ZNF207: variants seen among roughly 807,000 people sequenced by gnomAD.
The protein encoded by ZNF207 is BUB3-interacting and GLEBS motif-containing protein ZNF207.
ZNF207 carries 24 observed loss-of-function variants against 60.2 expected under a neutral mutation model. The ratio of observed to expected loss-of-function variants is 0.40; its 90% CI spans 0.29 to 0.56. The LOEUF (loss-of-function observed/expected upper bound fraction) is 0.56. Ranked by LOEUF, ZNF207 falls within the 20% of genes least tolerant of loss-of-function variation. ZNF207 has a pLI of 0.49. For synonymous variants in ZNF207, 236 were observed against 194.7 expected, an observed-to-expected ratio of 1.21 and a Z score of -1.77; for missense variants, 452 against 636.6, an observed-to-expected ratio of 0.71 and a Z score of 3.12.
At chr17:32,365,277 T>C in intron 7 of ZNF207, 53 bp from the exon 8 acceptor site, 3 of 1,575,652 alleles carry the variant, frequency 1.9e-6, no homozygotes, top group Non-Finnish European at 2.6e-6. Context: ...AGCGTTTTTT[T>C]CCACACTAAA....
chr17:32,366,863 T>C, intron 9 of ZNF207, 106 bp downstream of exon 9: 2 of 1,024,128 alleles, frequency 2.0e-6, no homozygotes, highest in Non-Finnish European at 1.3e-6. Context: ...CTGTGTTTAC[T>C]TTTTTAAAGC....
chr17:32,367,725 T>TA (rs766238409), intron 9 of ZNF207, 47 bp from the exon 10 acceptor site: 1 of 1,603,606 alleles, frequency 6.2e-7, no homozygotes, highest in South Asian at 1.1e-5. Flanking sequence ...TAGATATAGT[T>TA]AATTTAAGGT....
At chr17:32,359,054 T>G (rs1369968280) in intron 3 of ZNF207, among the ~76,000 whole-genome samples, 3 of 151,808 alleles carry the variant, frequency 2.0e-5, no homozygotes, top group Non-Finnish European at 4.4e-5. Flanking sequence ...TTGCCCACTT[T>G]TGCCTCGCAA....
At chr17:32,364,235 G>T (rs1347314954) in intron 7 of ZNF207, among the ~76,000 whole-genome samples, 1 of 151,916 alleles carries the variant, frequency 6.6e-6, no homozygotes, top group South Asian at 2.1e-4. Flanking sequence ...TACGTATTAT[G>T]CTGTGAGGGA....
In ZNF207 at chr17:32,370,656, C is replaced by T. The variant is rs1256089335; in HGVS notation, c.*897C>T. The T allele has an allele frequency of 6.6e-6, 1 of 152,184 alleles. No individual in the cohort carries two copies. The highest frequency in any genetic ancestry group is 1.9e-4 in the East Asian group (1 of 5,194). 9.4% of individuals were successfully genotyped at this position (152,184 alleles called of 1,614,324 possible). On this transcript the variant is annotated 3_prime_UTR_variant, in exon 12 of 12. Transcript: ENST00000394670. ...CAGTACACATCACGTGTCATAGATA[C>T]TTAAAATGTAAATGTTAACACTTTT...
intron 7 of ZNF207, among the ~76,000 whole-genome samples, 181 bp downstream of exon 7, chr17:32,363,165 G>C (rs1255035899): frequency 6.6e-6 from 1 of 152,180 alleles, no homozygotes; most frequent in Admixed American, 6.5e-5. Flanking sequence ...TCGGCTCACT[G>C]CAACCTCTGC....
At position 32,379,581 on chromosome 17, in the gene ZNF207, C is replaced by A. The variant is rs1320459278; in HGVS notation, c.*9822C>A. 2 of 152,018 alleles carry A rather than the reference C, an allele frequency of 1.3e-5. No individual in the cohort carries two copies. The highest frequency in any genetic ancestry group is 2.9e-5 in the Non-Finnish European group (2 of 67,970). The allele number at this position is 152,018 out of a possible 1,614,324, so 9.4% of individuals were successfully genotyped here. A position where few individuals can be genotyped will look rare whatever the true frequency, so the allele number is the denominator to read the frequency against. On this transcript the variant is annotated 3_prime_UTR_variant, in exon 12 of 12. Transcript: ENST00000394670. ...ATTGCATAGGTGTAAAATTAAGATA[C>A]CAGAACTTCATTCTGTTCTTGTTGA...
At position 32,358,547 on chromosome 17, in the gene ZNF207, A is replaced by AAG; in HGVS notation, c.215_216dup (p.Thr73GlufsTer4). 1 of 1,570,004 alleles carries AAG rather than the reference A, an allele frequency of 6.4e-7. No individual in the cohort carries two copies. ...ATGCCGTACCAAATGCAATACCTGG[A>AAG]AGAACAGACATAGAGTTGGAAATAT... is the stretch of plus-strand genomic sequence containing the variant. On this transcript the variant is annotated frameshift_variant, in exon 3 of 12. Transcript: ENST00000394670. LOFTEE classifies it high-confidence loss of function.
At chr17:32,351,337 A>T (rs73272808) in intron 1 of ZNF207, 1 of 618,220 alleles carries the variant, frequency 1.6e-6, no homozygotes, top group Non-Finnish European at 2.2e-6. Context: ...TTCACCATAT[A>T]GTTACTCTTA....
rs1196762076 is a variant in ZNF207 at position 32,375,357 on chromosome 17, A to G, written c.*5598A>G. The stretch of plus-strand genomic sequence containing the variant: ...ACCTACCATCCTGCAATATGCTGAA[A>G]TCTTTCTAAGTTGCTTATCTTAATT... On this transcript the variant is annotated 3_prime_UTR_variant, in exon 12 of 12. Transcript: ENST00000394670. 2.1e-4 allele frequency: 32 copies of G among 152,164 alleles called. No homozygotes were observed. The highest frequency in any genetic ancestry group is 2.1e-3 in the Admixed American group (32 of 15,270). The allele number at this position is 152,164 out of a possible 1,614,324, so 9.4% of individuals were successfully genotyped here. A position where few individuals can be genotyped will look rare whatever the true frequency, so the allele number is the denominator to read the frequency against.
chr17:32,356,144 G>T (rs1421028735), intron 2 of ZNF207, among the ~76,000 whole-genome samples: 1 of 152,210 alleles, frequency 6.6e-6, no homozygotes, highest in Non-Finnish European at 1.5e-5. Context: ...TTATTAGTAA[G>T]TTAGGTGGTT....
intron 2 of ZNF207, among the ~76,000 whole-genome samples, chr17:32,354,418 C>G (rs932835337): frequency 6.6e-6 from 1 of 152,114 alleles, no homozygotes; most frequent in Non-Finnish European, 1.5e-5. Flanking sequence ...TTAAGTGATT[C>G]TTGTGCATCA....
In ZNF207 at chr17:32,376,810, T is replaced by C. The variant is rs907531122; in HGVS notation, c.*7051T>C. 1 of 152,128 alleles carries C rather than the reference T, an allele frequency of 6.6e-6. No homozygotes were observed. Among genetic ancestry groups the C allele is most frequent in the African/African-American group, 2.4e-5 (1 of 41,464 alleles). 9.4% of individuals were successfully genotyped at this position (152,128 alleles called of 1,614,324 possible). On this transcript the variant is annotated 3_prime_UTR_variant, in exon 12 of 12. Transcript: ENST00000394670. ...AGGAGGTACATGTGAGTAAACTGTC[T>C]TAATGGTTGATTACTTGGAACCCAC... is the stretch of plus-strand genomic sequence containing the variant.
chr17:32,352,901 G>A (rs2041532175), intron 2 of ZNF207, among the ~76,000 whole-genome samples: 1 of 152,240 alleles, frequency 6.6e-6, no homozygotes, highest in African/African-American at 2.4e-5. Context: ...TTTCGGCTGG[G>A]CGCGGTGGCT....
rs1905110087 is a variant in ZNF207, at chr17:32,365,316, T to C, written c.671-14T>C. ...TTCAGTGACTCAATTTCCCCAAACATTTCTTCTCTGCAGGTATGCCCCCAC... is the reference window on the plus strand; with the variant it reads ...TTCAGTGACTCAATTTCCCCAAACACTTCTTCTCTGCAGGTATGCCCCCAC... On this transcript the variant is annotated splice_polypyrimidine_tract_variant and intron_variant, in intron 7 of 11. Transcript: ENST00000394670. 6.3e-7 allele frequency: 1 copy of C among 1,599,098 alleles called. No individual in the cohort carries two copies. The highest frequency in any genetic ancestry group is 1.1e-5 in the South Asian group (1 of 89,480).
intron 7 of ZNF207, among the ~76,000 whole-genome samples, chr17:32,365,042 A>G (rs1330427430): frequency 6.6e-6 from 1 of 152,214 alleles, no homozygotes; most frequent in Non-Finnish European, 1.5e-5. Flanking sequence ...TAATTCTTTT[A>G]TATATTGCAA....
chr17:32,372,003 T>TA lies in ZNF207; in HGVS notation c.*2249dup, dbSNP rs1188928251. 6.6e-6 allele frequency: 1 copy of TA among 152,140 alleles called. No individual in the cohort carries two copies. Among genetic ancestry groups the TA allele is most frequent in the East Asian group, 1.9e-4 (1 of 5,186 alleles). The allele number at this position is 152,140 out of a possible 1,614,324, so 9.4% of individuals were successfully genotyped here. A position where few individuals can be genotyped will look rare whatever the true frequency, so the allele number is the denominator to read the frequency against. On this transcript the variant is annotated 3_prime_UTR_variant, in exon 12 of 12. Transcript: ENST00000394670. ...AAACTTGTGTTGAAAGTCTTTAAGA[T>TA]AAAAATGGTGTGATAGGCCGGGCGC...
At position 32,374,536 on chromosome 17, in the gene ZNF207, A is replaced by G. The variant is rs1403260765; in HGVS notation, c.*4777A>G. 6.6e-6 allele frequency: 1 copy of G among 152,128 alleles called. No individual in the cohort carries two copies. The highest frequency in any genetic ancestry group is 2.4e-5 in the African/African-American group (1 of 41,426). The allele number at this position is 152,128 out of a possible 1,614,324, so 9.4% of individuals were successfully genotyped here. A position where few individuals can be genotyped will look rare whatever the true frequency, so the allele number is the denominator to read the frequency against. ...TTGGCCAAAATCTGCATTCTTAATC[A>G]CAAACTTACGCATTGAATGTTAAGG... On this transcript the variant is annotated 3_prime_UTR_variant, in exon 12 of 12. Coordinates refer to ENST00000394670, the MANE Select transcript of ZNF207 (RefSeq NM_001098507.2).
In ZNF207 at chr17:32,369,868, A is replaced by T; in HGVS notation, c.*109A>T. 2.6e-6 allele frequency: 3 copies of T among 1,174,552 alleles called. No homozygotes were observed. The highest frequency in any genetic ancestry group is 3.3e-6 in the Non-Finnish European group (3 of 901,578). The allele number at this position is 1,174,552 out of a possible 1,614,324, so 72.8% of individuals were successfully genotyped here. A position where few individuals can be genotyped will look rare whatever the true frequency, so the allele number is the denominator to read the frequency against. ...AGGCTTCATTGTGACTTTAACAAAC[A>T]TTATCTTCCCACATACCAGGAACTA... On this transcript the variant is annotated 3_prime_UTR_variant, in exon 12 of 12. Coordinates refer to ENST00000394670, the MANE Select transcript of ZNF207 (RefSeq NM_001098507.2).
Sources: allele counts gnomAD v4.1 joint callset (sites outside exome capture counted in the v4.1 genomes callset), GRCh38; gene constraint gnomAD v4.1.1; transcripts MANE v1.5; gene names NCBI Gene and HGNC (gene_info 2026-07-23, HGNC 2026-07-21).